TENM3: variants seen among roughly 807,000 people sequenced by gnomAD.
The protein encoded by TENM3 is teneurin-3.
In TENM3, 63 loss-of-function variants were observed where a neutral mutation model predicts 255.1. The ratio of observed to expected loss-of-function variants is 0.25; its 90% CI spans 0.20 to 0.30. The LOEUF (loss-of-function observed/expected upper bound fraction) is 0.30, where lower values mean the gene tolerates loss of function less well. Ranked by LOEUF, TENM3 falls within the 10% of genes least tolerant of loss-of-function variation. TENM3 has a pLI of 1.00. For missense variants in TENM3, 2,929 were observed against 3,461.1 expected, an observed-to-expected ratio of 0.85 and a Z score of 3.86; for synonymous variants, 1,306 against 1,322.3, an observed-to-expected ratio of 0.99 and a Z score of 0.27.
At chr4:181,956,217 T>A in the TENM3 span, among the ~76,000 whole-genome samples, 1 of 152,082 alleles carries the variant, frequency 6.6e-6, no homozygotes, top group Admixed American at 6.6e-5. Context: ...TCTAATCACC[T>A]CCCATAGGCC....
At chr4:182,696,522 C>T (rs1407398396) in intron 12 of TENM3, among the ~76,000 whole-genome samples, 1 of 151,958 alleles carries the variant, frequency 6.6e-6, no homozygotes, top group African/African-American at 2.4e-5. Flanking sequence ...GTCAGGAGAT[C>T]GGGACCATCC....
chr4:182,751,954 G>A lies in TENM3; in HGVS notation c.3784G>A (p.Glu1262Lys), dbSNP rs1410958360. The A allele has an allele frequency of 3.1e-6, 5 of 1,613,746 alleles. No homozygotes were observed. The highest frequency in any genetic ancestry group is 4.2e-6 in the Non-Finnish European group (5 of 1,179,890). ...TGCAGAAGTCGTCGCAGGGACAGGG[G>A]AGCAATGCCTTCCGTTTGACGAGGC... ...KNAEVVAGTG[E>K]QCLPFDEARC... Residue 1262 changes from glutamate (E) to lysine (K), a missense_variant, in exon 20 of 28, where the codon GAG becomes AAG. Physicochemically the swap from Glu to Lys is moderately conservative, Grantham distance 56. Around this residue, in one of 6 missense-constraint regions of TENM3, gnomAD observed 1,608 missense variants for 1,884.4 expected, o/e 0.85. Transcript: ENST00000511685.
the TENM3 span, among the ~76,000 whole-genome samples, chr4:181,756,600 G>A: frequency 6.6e-6 from 1 of 152,204 alleles, no homozygotes; most frequent in Non-Finnish European, 1.5e-5. Context: ...ATGACAGGCT[G>A]TGACAGCCAA....
At position 182,510,657 on chromosome 4, in the gene TENM3, C is replaced by T. The variant is rs57177713; in HGVS notation, c.512-90267C>T. Among the ~76,000 whole-genome samples, 169 of 152,302 alleles carry T rather than the reference C, an allele frequency of 1.1e-3. 2 individuals are homozygous for T. Among genetic ancestry groups the T allele is most frequent in the African/African-American group, 3.7e-3 (155 of 41,562 alleles). ...ACTAGGAAGTGCAGGGCTGAGTTAT[C>T]GGCCAGTCTTTAGTTACTGTAGAGA... On this transcript the variant is annotated intron_variant, in intron 3 of 27. Transcript: ENST00000511685.
chr4:182,767,360 C>T (rs1275176466), intron 22 of TENM3, among the ~76,000 whole-genome samples: 1 of 152,176 alleles, frequency 6.6e-6, no homozygotes, highest in Non-Finnish European at 1.5e-5. Context: ...CATGTTTAGT[C>T]ATGACGGGGT....
intron 1 of TENM3, among the ~76,000 whole-genome samples, chr4:182,262,603 A>T (rs1477621493): frequency 6.6e-6 from 1 of 152,196 alleles, no homozygotes; most frequent in Non-Finnish European, 1.5e-5. Context: ...GGGAGGCATG[A>T]ATAATCCACC....
chr4:181,893,487 G>T, the TENM3 span, among the ~76,000 whole-genome samples: 103 of 74,632 alleles, frequency 1.4e-3, no homozygotes, highest in Middle Eastern at 7.7e-3. Flanking sequence ...ACTTTCCCCT[G>T]CCCACCCCCC....
chr4:182,093,714 G>A, the TENM3 span, among the ~76,000 whole-genome samples: 18,159 of 152,088 alleles, frequency 0.12, 1,159 homozygotes, highest in Middle Eastern at 0.22. Context: ...CTAAGAAGGG[G>A]CTGAAACAGT....
chr4:182,289,316 AG>A (rs1433058056), intron 1 of TENM3, among the ~76,000 whole-genome samples: 1 of 152,226 alleles, frequency 6.6e-6, no homozygotes, highest in Non-Finnish European at 1.5e-5. Context: ...GTTTAGATAA[AG>A]GACTTACTCT....
intron 3 of TENM3, among the ~76,000 whole-genome samples, chr4:182,545,775 A>T (rs1366105667): frequency 6.6e-6 from 1 of 152,118 alleles, no homozygotes; most frequent in East Asian, 1.9e-4. Context: ...CTATTTAGGT[A>T]GCCCACCTGT....
At chr4:181,605,575 AG>A in the TENM3 span, among the ~76,000 whole-genome samples, 61 of 21,868 alleles carry the variant, frequency 2.8e-3, 7 homozygotes, top group South Asian at 0.027. Context: ...AGAAAGAGAG[AG>A]AAAGAAAGGA....
intron 3 of TENM3, among the ~76,000 whole-genome samples, chr4:182,509,403 G>C (rs1350964974): frequency 6.6e-6 from 1 of 152,058 alleles, no homozygotes; most frequent in African/African-American, 2.4e-5. Context: ...TCGTTTCAGT[G>C]ATATTTTTTC....
chr4:181,657,473 G>A, the TENM3 span, among the ~76,000 whole-genome samples: 2 of 152,010 alleles, frequency 1.3e-5, no homozygotes, highest in Non-Finnish European at 2.9e-5. Context: ...ATAAGATACC[G>A]TCTAACACCA....
the TENM3 span, among the ~76,000 whole-genome samples, chr4:181,652,644 C>A: frequency 6.6e-6 from 1 of 152,184 alleles, no homozygotes; most frequent in African/African-American, 2.4e-5. Context: ...CCAGTGATTT[C>A]TATGGTTTTG....
intron 3 of TENM3, among the ~76,000 whole-genome samples, chr4:182,545,844 A>T (rs1268888690): frequency 2.0e-5 from 3 of 152,116 alleles, no homozygotes; most frequent in African/African-American, 7.2e-5. Context: ...TTGACCGTTG[A>T]ACAATTAGGG....
chr4:182,156,704 C>G (rs1750730305), intron 1 of TENM3, among the ~76,000 whole-genome samples: 2 of 151,364 alleles, frequency 1.3e-5, no homozygotes, highest in African/African-American at 4.9e-5. Context: ...GTAAAAATTA[C>G]AAGTCAATAT....
At chr4:182,109,816 T>A in the TENM3 span, among the ~76,000 whole-genome samples, 1 of 152,184 alleles carries the variant, frequency 6.6e-6, no homozygotes, top group African/African-American at 2.4e-5. Context: ...CATGTGTGGA[T>A]GAGGCTTAGA....
intron 3 of TENM3, among the ~76,000 whole-genome samples, chr4:182,582,540 C>T (rs571059584): frequency 6.6e-6 from 1 of 151,970 alleles, no homozygotes; most frequent in South Asian, 2.1e-4. Context: ...CATATAGTTA[C>T]GTTGAACCTA....
chr4:182,315,452 A>T (rs1762698732), intron 1 of TENM3, among the ~76,000 whole-genome samples: 2 of 151,448 alleles, frequency 1.3e-5, no homozygotes, highest in East Asian at 3.9e-4. Context: ...CATTTAGCTT[A>T]CATTATTTCC....
Sources: gnomAD v4.1 joint callset for allele counts (sites outside exome capture counted in the v4.1 genomes callset) on GRCh38, gnomAD v4.1.1 for gene constraint, gnomAD v4.1.1 regional missense constraint, MANE v1.5 for transcripts, NCBI Gene and HGNC (gene_info 2026-07-23, HGNC 2026-07-21) for gene names.